DLGAP1: variants seen among roughly 807,000 people sequenced by gnomAD.
The protein encoded by DLGAP1 is DLG associated protein 1.
DLGAP1 carries 11 observed loss-of-function variants against 90.8 expected under a neutral mutation model. The ratio of observed to expected loss-of-function variants is 0.12; its 90% CI spans 0.08 to 0.20. DLGAP1 has a LOEUF of 0.20. Ranked by LOEUF, DLGAP1 falls within the 10% of genes least tolerant of loss-of-function variation. DLGAP1 has a pLI of 1.00. For synonymous variants in DLGAP1, 558 were observed against 540.7 expected (o/e 1.03, Z -0.44); for missense variants, 1,050 against 1,333.8 (o/e 0.79, Z 3.31).
At chr18:3,745,143 A>T (rs959311433) in intron 5 of DLGAP1, among the ~76,000 whole-genome samples, 2 of 152,232 alleles carry the variant, frequency 1.3e-5, no homozygotes, top group Non-Finnish European at 2.9e-5. Flanking sequence ...ATCGCTAAAG[A>T]TAGAAAGTAG....
At chr18:4,129,407 T>C (rs1568412149) in intron 2 of DLGAP1, among the ~76,000 whole-genome samples, 1 of 152,136 alleles carries the variant, frequency 6.6e-6, no homozygotes, top group Non-Finnish European at 1.5e-5. Context: ...TGTCTTTTCA[T>C]TAAAAATTGT....
chr18:4,189,701 G>A (rs768024219), intron 1 of DLGAP1, among the ~76,000 whole-genome samples: 7 of 152,030 alleles, frequency 4.6e-5, no homozygotes, highest in East Asian at 1.9e-4. Flanking sequence ...GACACTATCC[G>A]ACTAAAAACG....
chr18:4,453,193 G>A (rs2083877547), intron 1 of DLGAP1, among the ~76,000 whole-genome samples: 2 of 152,090 alleles, frequency 1.3e-5, no homozygotes, highest in South Asian at 4.2e-4. Flanking sequence ...TTAAGAACAG[G>A]GCTACTGACA....
At chr18:4,202,707 A>G (rs2077631106) in intron 1 of DLGAP1, among the ~76,000 whole-genome samples, 1 of 152,154 alleles carries the variant, frequency 6.6e-6, no homozygotes, top group African/African-American at 2.4e-5. Flanking sequence ...AGTTTTTTCA[A>G]TCTACATGGA....
chr18:4,317,164 C>T (rs2080551654), intron 1 of DLGAP1, among the ~76,000 whole-genome samples: 1 of 152,228 alleles, frequency 6.6e-6, no homozygotes, highest in African/African-American at 2.4e-5. Context: ...TCCTATTTCA[C>T]ATCCATGTTC....
At chr18:3,698,356 A>G (rs1363665319) in intron 7 of DLGAP1, among the ~76,000 whole-genome samples, 1 of 152,132 alleles carries the variant, frequency 6.6e-6, no homozygotes, top group Non-Finnish European at 1.5e-5. Context: ...TGCTTCCTCC[A>G]GGAGCTCTTG....
At chr18:3,837,615 G>A (rs561306136) in intron 4 of DLGAP1, among the ~76,000 whole-genome samples, 3 of 152,194 alleles carry the variant, frequency 2.0e-5, no homozygotes, top group African/African-American at 2.4e-5. Context: ...TCGGGAGGCC[G>A]AGGTTGGTAG....
intron 1 of DLGAP1, among the ~76,000 whole-genome samples, chr18:4,196,538 G>T (rs148793105): frequency 1.3e-5 from 2 of 152,306 alleles, no homozygotes; most frequent in African/African-American, 4.8e-5. Context: ...CTTCCAACAC[G>T]CTTACTGATT....
At chr18:4,057,980 G>C (rs1416418047) in intron 2 of DLGAP1, among the ~76,000 whole-genome samples, 2 of 152,158 alleles carry the variant, frequency 1.3e-5, no homozygotes, top group Non-Finnish European at 2.9e-5. Context: ...ACTCTGATGG[G>C]TGGCTTGTGG....
chr18:3,788,412 A>G (rs766935495), intron 5 of DLGAP1, among the ~76,000 whole-genome samples: 3 of 152,236 alleles, frequency 2.0e-5, no homozygotes, highest in African/African-American at 7.2e-5. Flanking sequence ...GGAAAGGTCA[A>G]TTTTCACTAA....
At chr18:4,307,289 C>T (rs796798811) in intron 1 of DLGAP1, among the ~76,000 whole-genome samples, 23 of 152,166 alleles carry the variant, frequency 1.5e-4, no homozygotes, top group African/African-American at 5.5e-4. Context: ...GTTCTTTTCC[C>T]TTCTGCTTGG....
At chr18:3,944,543 A>G (rs1184000510) in intron 3 of DLGAP1, among the ~76,000 whole-genome samples, 2 of 151,926 alleles carry the variant, frequency 1.3e-5, no homozygotes, top group Non-Finnish European at 2.9e-5. Context: ...CTGCTCCCAC[A>G]GATTATTTCT....
chr18:3,814,212 C>T lies in DLGAP1; in HGVS notation c.1019G>A (p.Arg340Gln), dbSNP rs1227331145. ...PRGKDDEIPC[R>Q]RMRSGSYIKA... is the part of the protein sequence containing the mutation. Reference sequence around the variant, plus strand: ...GATATAACTGCCACTCCGCATTCTTCGGCATGGAATTTCATCATCTTTACC... The same window carrying T: ...GATATAACTGCCACTCCGCATTCTTTGGCATGGAATTTCATCATCTTTACC... Residue 340 changes from arginine to glutamine, a missense_variant, in exon 5 of 13, where the codon CGA becomes CAA. Transcript: ENST00000315677. 15 of 1,614,018 alleles carry T rather than the reference C, an allele frequency of 9.3e-6. No individual in the cohort carries two copies. The highest frequency in any genetic ancestry group is 2.7e-5 in the African/African-American group (2 of 74,910).
intron 3 of DLGAP1, among the ~76,000 whole-genome samples, chr18:3,953,830 T>TGATGG: frequency 1.3e-5 from 2 of 152,220 alleles, no homozygotes; most frequent in African/African-American, 4.8e-5. Context: ...TGGTATGGCA[T>TGATGG]CTGATATTTC....
chr18:3,818,159 CAACA>C (rs1419129099), intron 4 of DLGAP1, among the ~76,000 whole-genome samples: 1 of 152,100 alleles, frequency 6.6e-6, no homozygotes, highest in East Asian at 1.9e-4. Context: ...ATTAGCACTC[CAACA>C]GAGATCTTAA....
intron 1 of DLGAP1, among the ~76,000 whole-genome samples, chr18:4,417,588 T>C (rs1261506430): frequency 1.3e-5 from 2 of 152,096 alleles, no homozygotes; most frequent in Non-Finnish European, 2.9e-5. Context: ...AATGAAAAGC[T>C]GGAGAAACTG....
At chr18:3,617,065 A>G (rs1380801453) in intron 7 of DLGAP1, among the ~76,000 whole-genome samples, 1 of 152,172 alleles carries the variant, frequency 6.6e-6, no homozygotes, top group African/African-American at 2.4e-5. Context: ...TCACCTGGAG[A>G]GACTGCAAGC....
chr18:4,192,100 T>C (rs923810466), intron 1 of DLGAP1, among the ~76,000 whole-genome samples: 2 of 152,158 alleles, frequency 1.3e-5, no homozygotes, highest in African/African-American at 2.4e-5. Flanking sequence ...ATAGTTGGTG[T>C]GGCACATCCT....
rs186179131 is a variant in DLGAP1 at position 3,945,711 on chromosome 18, A to G, written c.-73+59405T>C. On this transcript the variant is annotated intron_variant, in intron 3 of 12. Coordinates refer to ENST00000315677, the MANE Select transcript of DLGAP1 (RefSeq NM_004746.4). ...GATGAGTTAGTGGGTGCAGCACACC[A>G]GCATGGCACATGTATACATATGTAA... Among the ~76,000 whole-genome samples the G allele has an allele frequency of 8.5e-5, 13 of 152,342 alleles. 2 individuals are homozygous for G. Among genetic ancestry groups the G allele is most frequent in the African/African-American group, 3.1e-4 (13 of 41,582 alleles).
Sources: allele counts gnomAD v4.1 joint callset (sites outside exome capture counted in the v4.1 genomes callset), GRCh38; gene constraint gnomAD v4.1.1; transcripts MANE v1.5; gene names NCBI Gene and HGNC (gene_info 2026-07-23, HGNC 2026-07-21).